Variants in SVEP1 observed in about 807,000 individuals in gnomAD.
SVEP1 encodes the protein sushi, von Willebrand factor type A, EGF and pentraxin domain-containing protein 1.
In SVEP1, 164 loss-of-function variants were observed where a neutral mutation model predicts 367.3. The observed-to-expected ratio is 0.45, with a 90% CI of 0.39 to 0.51. The LOEUF is 0.51. Ranked by LOEUF, SVEP1 falls within the 20% of genes least tolerant of loss-of-function variation. The pLI, the probability that SVEP1 is intolerant of heterozygous loss-of-function variation, is 0.00. For missense variants in SVEP1, 4,117 were observed against 4,425.3 expected, an observed-to-expected ratio of 0.93 and a Z score of 1.98; for synonymous variants, 1,666 against 1,611.6, an observed-to-expected ratio of 1.03 and a Z score of -0.81.
chr9:110,514,111 G>T lies in SVEP1; in HGVS notation c.965-5C>A. The T allele has an allele frequency of 6.2e-7, 1 of 1,607,066 alleles. No homozygotes were observed. On this transcript the variant is annotated splice_region_variant and splice_polypyrimidine_tract_variant and intron_variant, in intron 3 of 47. Transcript: ENST00000374469. ...TGTATGTCCCCGATGGGCAAGCTGT[G>T]GGCAGACAAGCCGGAGAAGTCCATG...
rs778375256 is a variant in SVEP1 at position 110,499,066 on chromosome 9, G to T, written c.1656C>A (p.Val552=). 5 of 1,613,406 alleles carry T rather than the reference G, an allele frequency of 3.1e-6. No individual in the cohort carries two copies. Among genetic ancestry groups the T allele is most frequent in the African/African-American group, 1.3e-5 (1 of 74,860 alleles). Residue 552 remains valine, a synonymous_variant, in exon 7 of 48, where the codon GTC becomes GTA. Coordinates refer to ENST00000374469, the MANE Select transcript of SVEP1 (RefSeq NM_153366.4). The stretch of plus-strand genomic sequence containing the variant: ...CTTTACACACAGCTGCCTGAACTCC[G>T]ACATTCCATTTTCCAGAAGTGGTAC... ...LRCTTSGKWN[V]GVQAAVCKDV... is the part of the protein sequence containing the mutation.
At chr9:110,499,615 C>T (rs2118747411) in intron 6 of SVEP1, among the ~76,000 whole-genome samples, 1 of 152,310 alleles carries the variant, frequency 6.6e-6, no homozygotes. Flanking sequence ...ATATATTCAG[C>T]AATCTCTATT....
chr9:110,503,261 G>A (rs761970028), intron 5 of SVEP1, 44 bp from the exon 6 acceptor site: 4 of 1,555,074 alleles, frequency 2.6e-6, no homozygotes, highest in South Asian at 1.2e-5. Flanking sequence ...GCTAAATAAG[G>A]ATAAAAATAA....
chr9:110,483,551 C>A, intron 10 of SVEP1, 35 bp downstream of exon 10: 1 of 1,501,730 alleles, frequency 6.7e-7, no homozygotes. Flanking sequence ...GAATTCATTG[C>A]TACTATGCTG....
chr9:110,401,804 A>T (rs990201850), intron 39 of SVEP1, among the ~76,000 whole-genome samples: 1 of 151,958 alleles, frequency 6.6e-6, no homozygotes, highest in Non-Finnish European at 1.5e-5. Flanking sequence ...TCTGTTGGGT[A>T]AGGTGAGGCA....
At chr9:110,542,728 A>T (rs1486339875) in intron 3 of SVEP1, among the ~76,000 whole-genome samples, 1 of 149,692 alleles carries the variant, frequency 6.7e-6, no homozygotes, top group Non-Finnish European at 1.5e-5. Context: ...TGTGGAGAAC[A>T]TCCTCAACAT....
intron 2 of SVEP1, among the ~76,000 whole-genome samples, chr9:110,548,621 T>G (rs1458562172): frequency 2.6e-5 from 4 of 152,170 alleles, no homozygotes; most frequent in Non-Finnish European, 5.9e-5. Flanking sequence ...ATCCAGACAT[T>G]CTGGATTTTT....
At chr9:110,472,454 G>T in intron 14 of SVEP1, 131 bp from the exon 15 acceptor site, 6 of 804,032 alleles carry the variant, frequency 7.5e-6, no homozygotes, top group Non-Finnish European at 9.2e-6. Context: ...ACTGCATACA[G>T]GGTTTGGTCT....
At position 110,408,756 on chromosome 9, in the gene SVEP1, C is replaced by G. The variant is rs1266930935; in HGVS notation, c.6844G>C (p.Val2282Leu). Residue 2282 changes from valine (V) to leucine (L), a missense_variant, in exon 38 of 48, where the codon GTA (valine) becomes CTA (leucine). Physicochemically the swap from Val to Leu is conservative, Grantham distance 32. This residue lies in a region of SVEP1 where 1,765 missense variants were observed against 1,781.1 expected (regional missense o/e 0.99). Coordinates refer to ENST00000374469, the MANE Select transcript of SVEP1 (RefSeq NM_153366.4). The part of the protein sequence containing the change: ...NGFMKGENFE[V>L]GSKVQFFCNE... ...CAGAAAAACTGAACCTTGGACCCTACTTCAAAGTTTTCTCCTTTCATGAAG... is the reference window on the plus strand; with the variant it reads ...CAGAAAAACTGAACCTTGGACCCTAGTTCAAAGTTTTCTCCTTTCATGAAG... The G allele has an allele frequency of 1.9e-6, 3 of 1,613,682 alleles. No individual in the cohort carries two copies. The highest frequency in any genetic ancestry group is 2.7e-5 in the African/African-American group (2 of 74,942).
rs926654058 is a variant in SVEP1, at chr9:110,375,286, GAGTCTA to G, written c.10600+76_10600+81del. 133 of 673,802 alleles carry G rather than the reference GAGTCTA, an allele frequency of 2.0e-4. 1 individual carries two copies. The East Asian group carries it at 4.5e-3, about 23-fold the overall frequency. The allele number at this position is 673,802 out of a possible 1,614,324, so 41.7% of individuals were successfully genotyped here. A position where few individuals can be genotyped will look rare whatever the true frequency, so the allele number is the denominator to read the frequency against. On this transcript the variant is annotated intron_variant, in intron 46 of 47. Coordinates refer to ENST00000374469, the MANE Select transcript of SVEP1 (RefSeq NM_153366.4). ...ACTTTTTCATTTTGCCACCACTTCT[GAGTCTA>G]AGTCACACTCTTCAATGTCCTCTGG...
chr9:110,489,094 A>G lies in SVEP1; in HGVS notation c.1930+556T>C, dbSNP rs72748860. Reference sequence around the variant, plus strand: ...GAACTTTCATGTGGGCTCATATGGGAAGAAATCAAAGAGAAGTGGTAATAG... The same window carrying G: ...GAACTTTCATGTGGGCTCATATGGGGAGAAATCAAAGAGAAGTGGTAATAG... On this transcript the variant is annotated intron_variant, in intron 9 of 47. Transcript: ENST00000374469. Among the ~76,000 whole-genome samples the G allele has an allele frequency of 7.6e-3, 1,156 of 152,262 alleles. 10 individuals carry two copies. The highest frequency in any genetic ancestry group is 9.1e-3 in the Non-Finnish European group (618 of 68,026).
intron 1 of SVEP1, 50 bp downstream of exon 1, chr9:110,578,963 T>C (rs1830658513): frequency 6.5e-7 from 1 of 1,532,104 alleles, no homozygotes; most frequent in African/African-American, 1.4e-5. Context: ...CAGCGGTGGG[T>C]CGAAGGGCCC....
chr9:110,550,196 A>T (rs1262436955), intron 1 of SVEP1, 92 bp from the exon 2 acceptor site: 1 of 1,521,622 alleles, frequency 6.6e-7, no homozygotes, highest in African/African-American at 1.4e-5. Flanking sequence ...TGCAAAGATC[A>T]TTAGTATTTC....
At chr9:110,485,673 C>A (rs1381250147) in intron 9 of SVEP1, among the ~76,000 whole-genome samples, 4 of 151,940 alleles carry the variant, frequency 2.6e-5, no homozygotes, top group Admixed American at 2.6e-4. Context: ...TTATTACATG[C>A]CTTTGAGGTT....
intron 14 of SVEP1, among the ~76,000 whole-genome samples, chr9:110,474,358 C>T (rs776546450): frequency 2.0e-5 from 3 of 152,090 alleles, no homozygotes; most frequent in African/African-American, 4.8e-5. Context: ...ATTATATTTA[C>T]TGGTTGCTTA....
At chr9:110,481,208 C>T (rs376152293) in intron 12 of SVEP1, 34 bp downstream of exon 12, 146 of 1,409,042 alleles carry the variant, frequency 1.0e-4, no homozygotes, top group Middle Eastern at 7.4e-4. Flanking sequence ...CATTCACACA[C>T]ATTAAAGAAG....
chr9:110,430,121 TTG>T (rs869259472), intron 33 of SVEP1, 117 bp from the exon 34 acceptor site: 4 of 1,159,678 alleles, frequency 3.4e-6, no homozygotes, highest in African/African-American at 1.8e-5. Context: ...TTTTTTTTTT[TTG>T]GTGTGTGTGT....
At chr9:110,484,779 GA>G (rs1368130405) in intron 9 of SVEP1, among the ~76,000 whole-genome samples, 6 of 151,766 alleles carry the variant, frequency 4.0e-5, no homozygotes, top group Non-Finnish European at 7.4e-5. Flanking sequence ...CAAAGGACAT[GA>G]ACAGACACTT....
At chr9:110,500,173 A>G (rs1436193272) in intron 6 of SVEP1, among the ~76,000 whole-genome samples, 1 of 152,168 alleles carries the variant, frequency 6.6e-6, no homozygotes, top group Non-Finnish European at 1.5e-5. Context: ...TGTGCCAGCA[A>G]AAGCCATTTT....
Sources: gnomAD v4.1 joint callset for allele counts (sites outside exome capture counted in the v4.1 genomes callset) on GRCh38, gnomAD v4.1.1 for gene constraint, gnomAD v4.1.1 regional missense constraint, MANE v1.5 for transcripts, NCBI Gene and HGNC (gene_info 2026-07-23, HGNC 2026-07-21) for gene names.